The following CUL2 variants were observed in gnomAD, a reference collection of about 807,000 sequenced individuals.
CUL2 encodes cullin-2.
CUL2 carries 22 observed loss-of-function variants against 110.2 expected under a neutral mutation model. That is an observed-to-expected ratio of 0.20 (90% CI 0.14 to 0.28). The LOEUF is 0.28. Ranked by LOEUF, CUL2 falls within the 10% of genes least tolerant of loss-of-function variation. CUL2 has a pLI of 1.00. For synonymous variants in CUL2, 279 were observed against 293.2 expected (o/e 0.95, Z 0.49); for missense variants, 631 against 905.5 (o/e 0.70, Z 3.89).
At chr10:35,060,070 G>A (rs1454710785) in intron 4 of CUL2, among the ~76,000 whole-genome samples, 2 of 152,126 alleles carry the variant, frequency 1.3e-5, no homozygotes, top group African/African-American at 4.8e-5. Flanking sequence ...GACCATCCTG[G>A]GCAACATAGT....
At chr10:35,056,929 C>CTACT (rs1360397030) in intron 4 of CUL2, among the ~76,000 whole-genome samples, 2 of 152,198 alleles carry the variant, frequency 1.3e-5, no homozygotes, top group Non-Finnish European at 2.9e-5. Flanking sequence ...CTTCCTCTCA[C>CTACT]TACTTCCTTT....
At chr10:35,062,645 A>G (rs537606439) in intron 3 of CUL2, among the ~76,000 whole-genome samples, 33 of 151,670 alleles carry the variant, frequency 2.2e-4, no homozygotes, top group African/African-American at 8.0e-4. Flanking sequence ...CAGCCTAGGC[A>G]ATATAGTGAG....
chr10:35,107,101 A>G (rs1363597017), intron 1 of CUL2, among the ~76,000 whole-genome samples: 1 of 152,060 alleles, frequency 6.6e-6, no homozygotes, highest in Non-Finnish European at 1.5e-5. Context: ...CAGCCTCCCG[A>G]GTAGCTGGGA....
intron 20 of CUL2, 94 bp from the exon 21 acceptor site, chr10:35,010,536 T>A: frequency 1.6e-6 from 2 of 1,271,920 alleles, no homozygotes; most frequent in Non-Finnish European, 2.1e-6. Flanking sequence ...TCAAATGTAC[T>A]GAGGTTTCAA....
intron 1 of CUL2, among the ~76,000 whole-genome samples, chr10:35,107,705 A>C (rs994561240): frequency 6.6e-6 from 1 of 151,478 alleles, no homozygotes; most frequent in Non-Finnish European, 1.5e-5. Context: ...ACATGGTGAA[A>C]CCCTGCCTCT....
At chr10:35,126,830 T>G (rs2087863901), upstream of CUL2, 1 of 151,442 alleles carries the variant, frequency 6.6e-6, no homozygotes, top group Non-Finnish European at 1.5e-5. Context: ...CCGCCGCCCC[T>G]CCCCGGTTCC....
intron 1 of CUL2, among the ~76,000 whole-genome samples, chr10:35,106,806 A>C (rs1170416625): frequency 6.6e-6 from 1 of 151,962 alleles, no homozygotes; most frequent in Non-Finnish European, 1.5e-5. Context: ...AAAGGATTAC[A>C]GGTGATGACT....
chr10:35,101,329 A>G (rs143660953), intron 1 of CUL2, among the ~76,000 whole-genome samples: 33 of 152,366 alleles, frequency 2.2e-4, no homozygotes, highest in African/African-American at 7.7e-4. Flanking sequence ...TGCTTTCAGC[A>G]TGGAGACAAC....
intron 2 of CUL2, among the ~76,000 whole-genome samples, chr10:35,067,673 G>A (rs754055620): frequency 7.9e-5 from 12 of 151,808 alleles, no homozygotes; most frequent in African/African-American, 2.4e-4. Flanking sequence ...AAACCCAGGA[G>A]GGGGAGGCTG....
At chr10:35,095,435 T>C (rs907862094), upstream of CUL2, among the ~76,000 whole-genome samples, 1 of 152,186 alleles carries the variant, frequency 6.6e-6, no homozygotes, top group Admixed American at 6.5e-5. Context: ...TTTATTTCTA[T>C]GAATATGATT....
intron 1 of CUL2, among the ~76,000 whole-genome samples, chr10:35,102,717 T>C (rs1374792299): frequency 6.6e-6 from 1 of 151,720 alleles, no homozygotes; most frequent in Non-Finnish European, 1.5e-5. Flanking sequence ...ACCTTGTCTC[T>C]ACTAAAAATG....
intron 1 of CUL2, among the ~76,000 whole-genome samples, chr10:35,088,930 C>G (rs1345895793): frequency 6.6e-6 from 1 of 152,192 alleles, no homozygotes; most frequent in Admixed American, 6.5e-5. Context: ...AATCCCAGCA[C>G]TTTGGGAGGC....
intron 15 of CUL2, 129 bp downstream of exon 15, chr10:35,029,359 A>G: frequency 4.6e-6 from 3 of 651,634 alleles, no homozygotes; most frequent in Non-Finnish European, 7.1e-6. Context: ...GCCCAGCCCA[A>G]ATCAATAGGA....
intron 1 of CUL2, among the ~76,000 whole-genome samples, chr10:35,119,030 C>T (rs1157064493): frequency 6.6e-6 from 1 of 152,198 alleles, no homozygotes; most frequent in Non-Finnish European, 1.5e-5. Context: ...TTGGCTGGTT[C>T]TTTTTTTCTG....
chr10:35,051,810 G>A (rs945910901), intron 5 of CUL2, among the ~76,000 whole-genome samples: 4 of 152,120 alleles, frequency 2.6e-5, no homozygotes, highest in Non-Finnish European at 5.9e-5. Flanking sequence ...ATATATTGTG[G>A]AAATTAATCC....
intron 5 of CUL2, among the ~76,000 whole-genome samples, chr10:35,050,223 A>G (rs2086066366): frequency 6.6e-6 from 1 of 151,804 alleles, no homozygotes; most frequent in African/African-American, 2.4e-5. Context: ...CGGGAGGCTG[A>G]GGCAGGAGAA....
At chr10:35,016,436 A>G in intron 17 of CUL2, 42 bp from the exon 18 acceptor site, 2 of 1,403,176 alleles carry the variant, frequency 1.4e-6, no homozygotes, top group Non-Finnish European at 2.0e-6. Flanking sequence ...GACCATTCAA[A>G]GAAACATTTC....
intron 18 of CUL2, among the ~76,000 whole-genome samples, 157 bp from the exon 19 acceptor site, chr10:35,013,957 C>A (rs1030422968): frequency 4.6e-5 from 7 of 152,108 alleles, no homozygotes; most frequent in Non-Finnish European, 1.0e-4. Context: ...AAAAATAATT[C>A]TTTTGTTCAA....
intron 6 of CUL2, among the ~76,000 whole-genome samples, chr10:35,049,152 T>C (rs1445832525): frequency 6.6e-6 from 1 of 152,226 alleles, no homozygotes; most frequent in Non-Finnish European, 1.5e-5. Flanking sequence ...TGTACTAAAT[T>C]GTATTCACAC....
Sources: gnomAD v4.1 joint callset for allele counts (sites outside exome capture counted in the v4.1 genomes callset) on GRCh38, gnomAD v4.1.1 for gene constraint, MANE v1.5 for transcripts, NCBI Gene and HGNC (gene_info 2026-07-23, HGNC 2026-07-21) for gene names.